DNAH5: variants seen among roughly 807,000 people sequenced by gnomAD.
DNAH5 encodes axonemal beta dynein heavy chain 5.
DNAH5 carries 372 observed loss-of-function variants against 518.2 expected under a neutral mutation model. The ratio of observed to expected loss-of-function variants is 0.72; its 90% CI spans 0.66 to 0.78. The LOEUF is 0.78. DNAH5 is among the 30% of genes least tolerant of loss of function. The probability of loss-of-function intolerance (pLI) is 0.00; values close to 1 mark genes in which losing one functional copy is unlikely to be tolerated. For synonymous variants in DNAH5, 2,039 were observed against 2,025.9 expected, an observed-to-expected ratio of 1.01 and a Z score of -0.17; for missense variants, 5,523 against 5,687.0, an observed-to-expected ratio of 0.97 and a Z score of 0.93.
In DNAH5 at chr5:13,810,063, G is replaced by A. The variant is rs375573515; in HGVS notation, c.7605C>T (p.Pro2535=). The change falls in exon 45 of 79, where the codon CCC becomes CCT. Residue 2535 remains proline, a synonymous_variant. Transcript: ENST00000265104. ...GDTAFDYYVA[P]DGTWTHWNTR... ...TGGACGGGCAGGTGTCCTCACCATC[G>A]GGCGCCACATAGTAGTCGAAGGCGG... 1.8e-5 allele frequency: 28 copies of A among 1,551,856 alleles called. No individual in the cohort carries two copies. In the African/African-American group the frequency reaches 3.4e-4, roughly 19 times the overall value.
chr5:13,727,266 C>A (rs1264727527), intron 70 of DNAH5, among the ~76,000 whole-genome samples: 2 of 152,150 alleles, frequency 1.3e-5, no homozygotes, highest in Non-Finnish European at 1.5e-5. Context: ...TCATGGTTTT[C>A]TCATTTACTC....
intron 1 of DNAH5, among the ~76,000 whole-genome samples, chr5:13,937,890 C>T (rs1418272228): frequency 6.6e-6 from 1 of 152,076 alleles, no homozygotes; most frequent in Non-Finnish European, 1.5e-5. Flanking sequence ...AGGTTAAAAT[C>T]CCCATCTGAG....
chr5:13,788,726 A>G lies in DNAH5; in HGVS notation c.8637T>C (p.Pro2879=). The G allele has an allele frequency of 1.2e-6, 2 of 1,613,848 alleles. No homozygotes were observed. The highest frequency in any genetic ancestry group is 1.7e-6 in the Non-Finnish European group (2 of 1,179,750). ...ACTTCAATAGTTTACCTGCAGCTTC[A>G]GGTGCATCTCTCAAGAAATCCACAA... is the stretch of plus-strand genomic sequence containing the variant. The part of the protein sequence containing the change: ...TYFVDFLRDA[P]EAAGETSEEA... Residue 2879 remains proline, a synonymous_variant, in exon 51 of 79, where the codon CCT becomes CCC. Coordinates refer to ENST00000265104, the MANE Select transcript of DNAH5 (RefSeq NM_001369.3).
At chr5:13,982,225 A>G (rs1379135124) in intron 1 of DNAH5, among the ~76,000 whole-genome samples, 1 of 152,244 alleles carries the variant, frequency 6.6e-6, no homozygotes, top group Non-Finnish European at 1.5e-5. Flanking sequence ...ATCTGATTGT[A>G]TTTTGGTTAA....
In DNAH5 at chr5:13,920,482, G is replaced by A. The variant is rs748605406; in HGVS notation, c.796C>T (p.Gln266Ter). Residue 266 changes from glutamine to a stop codon, truncating the protein, a stop_gained and splice_region_variant, in exon 6 of 79, where the codon CAG becomes TAG. Transcript: ENST00000265104. LOFTEE classifies it high-confidence loss of function. Reference sequence around the variant, plus strand: ...GATGTTTGGTTTCTCAAAATTACCTGTTCTGTCTGTTTGATCCATACTTTC... The same window carrying A: ...GATGTTTGGTTTCTCAAAATTACCTATTCTGTCTGTTTGATCCATACTTTC... ...CMKVWIKQTE[Q>*]VLAENNQLLK... is the part of the protein sequence containing the mutation. 2 of 1,614,118 alleles carry A rather than the reference G, an allele frequency of 1.2e-6. No individual in the cohort carries two copies. The highest frequency in any genetic ancestry group is 1.7e-6 in the Non-Finnish European group (2 of 1,180,006).
intron 34 of DNAH5, 78 bp downstream of exon 34, chr5:13,840,828 C>G: frequency 1.7e-6 from 2 of 1,177,606 alleles, no homozygotes; most frequent in Non-Finnish European, 2.5e-6. Flanking sequence ...TTCAATCAAA[C>G]TAGTTCTACT....
chr5:13,968,613 C>T (rs1308542105), intron 1 of DNAH5, among the ~76,000 whole-genome samples: 1 of 152,186 alleles, frequency 6.6e-6, no homozygotes, highest in Non-Finnish European at 1.5e-5. Context: ...TGGTATATCA[C>T]ATTTATTGAC....
At chr5:13,782,485 A>G (rs1755324376) in intron 52 of DNAH5, among the ~76,000 whole-genome samples, 1 of 152,022 alleles carries the variant, frequency 6.6e-6, no homozygotes, top group Admixed American at 6.6e-5. Context: ...GTTCTCGCCA[A>G]AGTCATTGTG....
intron 25 of DNAH5, among the ~76,000 whole-genome samples, chr5:13,867,563 C>G (rs1457291172): frequency 3.3e-5 from 5 of 151,976 alleles, no homozygotes; most frequent in South Asian, 2.1e-4. Context: ...TCGAGCAGTT[C>G]TTTATAGCAG....
intron 12 of DNAH5, among the ~76,000 whole-genome samples, chr5:13,905,339 G>C (rs545748792): frequency 2.0e-5 from 3 of 152,302 alleles, no homozygotes; most frequent in Non-Finnish European, 4.4e-5. Context: ...GGAGTGGGTT[G>C]TTATAAAAAA....
chr5:13,961,040 A>G (rs1308836829), intron 1 of DNAH5, among the ~76,000 whole-genome samples: 1 of 152,208 alleles, frequency 6.6e-6, no homozygotes, highest in Non-Finnish European at 1.5e-5. Context: ...AGAAATTGGA[A>G]TGAGTTTCCC....
At position 13,900,264 on chromosome 5, in the gene DNAH5, A is replaced by G. The variant is rs1774425445; in HGVS notation, c.2201T>C (p.Leu734Pro). ...TCGTTTCTGGAAGAGGGAAGTTGCCAGTGGAGAGACTTCCAGACCCATCTG... is the reference window on the plus strand; with the variant it reads ...TCGTTTCTGGAAGAGGGAAGTTGCCGGTGGAGAGACTTCCAGACCCATCTG... ...MAQMGLEVSP[L>P]ATSLFQKRDR... Residue 734 changes from leucine to proline, a missense_variant, in exon 15 of 79, where the codon CTG (leucine) becomes CCG (proline). Physicochemically the swap from Leu to Pro is moderately conservative, Grantham distance 98. Around this residue, in one of 3 missense-constraint regions of DNAH5, gnomAD observed 5,121 missense variants for 5,223.3 expected, o/e 0.98. Coordinates refer to ENST00000265104, the MANE Select transcript of DNAH5 (RefSeq NM_001369.3). The G allele has an allele frequency of 1.2e-6, 2 of 1,614,202 alleles. No homozygotes were observed. The highest frequency in any genetic ancestry group is 1.1e-5 in the South Asian group (1 of 91,084).
In DNAH5 at chr5:13,719,056, T is replaced by C. The variant is rs1358068882; in HGVS notation, c.12325A>G (p.Met4109Val). The C allele has an allele frequency of 6.2e-7, 1 of 1,614,006 alleles. No individual in the cohort carries two copies. Among genetic ancestry groups the C allele is most frequent in the African/African-American group, 1.3e-5 (1 of 74,910 alleles). ...LQNCHLGLDF[M>V]DELMDIIIET... ...ATGATTATGTCCATCAGCTCATCCA[T>C]GAAATCAAGTCCCAGATGGCAGTTC... is the stretch of plus-strand genomic sequence containing the variant. Residue 4109 changes from methionine to valine, a missense_variant, in exon 72 of 79, where the codon ATG (methionine) becomes GTG (valine). By Grantham distance (21) the Met-to-Val change is conservative. Coordinates refer to ENST00000265104, the MANE Select transcript of DNAH5 (RefSeq NM_001369.3).
intron 24 of DNAH5, among the ~76,000 whole-genome samples, chr5:13,870,513 C>T (rs1279420316): frequency 6.6e-6 from 1 of 152,132 alleles, no homozygotes; most frequent in Non-Finnish European, 1.5e-5. Flanking sequence ...CTTTGGTGAG[C>T]ACTCACCAAT....
At chr5:13,990,347 T>TA (rs1354228553) in intron 1 of DNAH5, among the ~76,000 whole-genome samples, 1 of 147,024 alleles carries the variant, frequency 6.8e-6, no homozygotes, top group Non-Finnish European at 1.5e-5. Context: ...GGTCAGGAGA[T>TA]AGAGACCATC....
chr5:13,945,965 A>T (rs1779878196), upstream of DNAH5, among the ~76,000 whole-genome samples: 1 of 152,150 alleles, frequency 6.6e-6, no homozygotes, highest in African/African-American at 2.4e-5. Context: ...TCCGTTTCTA[A>T]TAAAAAGTGT....
At chr5:13,719,981 T>A (rs992964256) in intron 71 of DNAH5, among the ~76,000 whole-genome samples, 3 of 152,148 alleles carry the variant, frequency 2.0e-5, no homozygotes, top group Non-Finnish European at 4.4e-5. Flanking sequence ...TTCCTCAATA[T>A]CTAATCTATA....
Position 13,690,657 on chromosome 5 carries a change from CAA to C in DNAH5, c.*1325_*1326del, listed in dbSNP as rs1740611123. The C allele has an allele frequency of 6.6e-6, 1 of 152,138 alleles. No homozygotes were observed. The highest frequency in any genetic ancestry group is 1.5e-5 in the Non-Finnish European group (1 of 68,020). The allele number at this position is 152,138 out of a possible 1,614,324, so 9.4% of individuals were successfully genotyped here. A position where few individuals can be genotyped will look rare whatever the true frequency, so the allele number is the denominator to read the frequency against. On this transcript the variant is annotated 3_prime_UTR_variant, in exon 79 of 79. Transcript: ENST00000265104. ...GCAGTTATACAGATCCAGAGCTAAC[CAA>C]AAGTTTATAAACCACAATTCTAATT...
chr5:13,771,223 GC>G (rs1753299152), intron 55 of DNAH5: 1 of 493,738 alleles, frequency 2.0e-6, no homozygotes, highest in South Asian at 2.1e-5. Flanking sequence ...GTTGCCTGGT[GC>G]TTGTGCAGAG....
Sources: allele counts gnomAD v4.1 joint callset (sites outside exome capture counted in the v4.1 genomes callset), GRCh38; gene constraint gnomAD v4.1.1; regional missense constraint gnomAD v4.1.1; transcripts MANE v1.5; gene names NCBI Gene and HGNC (gene_info 2026-07-23, HGNC 2026-07-21).